The following RGS7 variants were observed in gnomAD, a reference collection of about 807,000 sequenced individuals.
The protein encoded by RGS7 is regulator of G protein signaling 7, also known as regulator of G-protein signaling 7.
RGS7 carries 27 observed loss-of-function variants against 81.1 expected under a neutral mutation model. That is an observed-to-expected ratio of 0.33 (90% CI 0.25 to 0.46). The LOEUF (loss-of-function observed/expected upper bound fraction) is 0.46, where lower values mean the gene tolerates loss of function less well. Among genes scored for constraint, RGS7 ranks in the 20% least tolerant of loss-of-function variants. The probability of loss-of-function intolerance (pLI) is 1.00; values close to 1 mark genes in which losing one functional copy is unlikely to be tolerated. For missense variants in RGS7, 396 were observed against 607.4 expected, an observed-to-expected ratio of 0.65 and a Z score of 3.66; for synonymous variants, 208 against 207.7, an observed-to-expected ratio of 1.00 and a Z score of -0.01.
intron 2 of RGS7, among the ~76,000 whole-genome samples, chr1:241,151,376 G>C (rs945567244): frequency 6.6e-6 from 1 of 151,948 alleles, no homozygotes; most frequent in Non-Finnish European, 1.5e-5. Flanking sequence ...CTTAGACTCT[G>C]CTCAGGAAGC....
At chr1:241,119,699 T>C (rs1294275384) in intron 2 of RGS7, among the ~76,000 whole-genome samples, 1 of 152,206 alleles carries the variant, frequency 6.6e-6, no homozygotes, top group African/African-American at 2.4e-5. Flanking sequence ...GAGAAAAGCC[T>C]TTTACTATTG....
chr1:240,851,369 T>C lies in RGS7; in HGVS notation c.609+17218A>G, dbSNP rs546068707. ...TTTACTGAATATTTAAAGCCCAGTG[T>C]TGAGACCTACTGCTCAGAGAAAAGG... On this transcript the variant is annotated intron_variant, in intron 9 of 18. Transcript: ENST00000440928. Among the ~76,000 whole-genome samples, 4 of 152,324 alleles carry C rather than the reference T, an allele frequency of 2.6e-5. No homozygotes were observed. The South Asian group carries it at 8.3e-4, about 32-fold the overall frequency.
intron 6 of RGS7, among the ~76,000 whole-genome samples, chr1:240,923,084 A>G (rs538261344): frequency 2.7e-4 from 41 of 152,164 alleles, no homozygotes; most frequent in Non-Finnish European, 4.7e-4. Flanking sequence ...TGTTAAGTGA[A>G]AGAAGAAAAG....
chr1:241,090,009 A>AG (rs2063774290), intron 3 of RGS7, among the ~76,000 whole-genome samples: 2 of 151,442 alleles, frequency 1.3e-5, no homozygotes, highest in South Asian at 4.2e-4. Context: ...AAAAAAAAAA[A>AG]AAAGAGAGAG....
At position 241,000,633 on chromosome 1, in the gene RGS7, ATTTCTTTTCT is replaced by A. The variant is rs10536488; in HGVS notation, c.176-17514_176-17505del. ...TATGTAGCTAATTAATTCCTCATTT[ATTTCTTTTCT>A]TTTCTTTTCTTTTCTTTTTTTTATA... is the stretch of plus-strand genomic sequence containing the variant. On this transcript the variant is annotated intron_variant, in intron 3 of 18. Transcript: ENST00000440928. Among the ~76,000 whole-genome samples, 91 of 150,726 alleles carry A rather than the reference ATTTCTTTTCT, an allele frequency of 6.0e-4. 1 individual carries two copies. The highest frequency in any genetic ancestry group is 1.5e-3 in the African/African-American group (60 of 41,070).
At chr1:241,228,174 T>C (rs1182960424) in intron 2 of RGS7, among the ~76,000 whole-genome samples, 1 of 152,198 alleles carries the variant, frequency 6.6e-6, no homozygotes, top group African/African-American at 2.4e-5. Flanking sequence ...CACATGTTGA[T>C]GCTCTAGTCA....
At chr1:240,829,101 C>T (rs1001004820) in intron 9 of RGS7, among the ~76,000 whole-genome samples, 6 of 151,964 alleles carry the variant, frequency 3.9e-5, no homozygotes, top group Non-Finnish European at 7.4e-5. Context: ...GCCAAAACTC[C>T]GCCATAATAT....
chr1:241,061,823 T>A (rs2061753664), intron 3 of RGS7, among the ~76,000 whole-genome samples: 1 of 152,178 alleles, frequency 6.6e-6, no homozygotes, highest in African/African-American at 2.4e-5. Flanking sequence ...TAGACCATCA[T>A]CTGTTAGCTC....
chr1:240,884,222 C>A (rs1343834742), intron 6 of RGS7, among the ~76,000 whole-genome samples: 1 of 151,806 alleles, frequency 6.6e-6, no homozygotes, highest in African/African-American at 2.4e-5. Flanking sequence ...AGTTATAGTG[C>A]TGTTGCCTGT....
intron 2 of RGS7, among the ~76,000 whole-genome samples, chr1:241,354,149 C>A (rs892108314): frequency 1.3e-5 from 2 of 152,050 alleles, no homozygotes; most frequent in Non-Finnish European, 2.9e-5. Flanking sequence ...AGATAGAATT[C>A]AAAATTCTCA....
intron 3 of RGS7, among the ~76,000 whole-genome samples, chr1:241,002,686 A>G (rs1045693999): frequency 6.6e-6 from 1 of 152,248 alleles, no homozygotes; most frequent in Non-Finnish European, 1.5e-5. Flanking sequence ...TGTCCAAAGT[A>G]GTGCTTGGCA....
chr1:241,335,482 A>G (rs1325139201), intron 2 of RGS7, among the ~76,000 whole-genome samples: 1 of 152,220 alleles, frequency 6.6e-6, no homozygotes, highest in Non-Finnish European at 1.5e-5. Flanking sequence ...GGAACTACTT[A>G]TTCATAAAAT....
rs763764704 is a variant in RGS7 at position 240,993,248 on chromosome 1, GGAAA to G, written c.176-10123_176-10120del. ...AAGGAAAGAAGGAGAAAGAAAGAGA[GGAAA>G]GAAAGAAAGAAAGAAAAAGAAAGAA... On this transcript the variant is annotated intron_variant, in intron 3 of 18. Transcript: ENST00000440928. 9.0e-3 allele frequency among the ~76,000 whole-genome samples: 1,339 copies of G among 149,038 alleles called. 20 individuals carry two copies. The highest frequency in any genetic ancestry group is 0.031 in the African/African-American group (1,273 of 40,500).
At position 240,776,116 on chromosome 1, in the gene RGS7, G is replaced by C. The variant is rs761079653; in HGVS notation, c.*104C>G. 5 of 1,392,386 alleles carry C rather than the reference G, an allele frequency of 3.6e-6. No homozygotes were observed. In the African/African-American group the frequency reaches 7.1e-5, roughly 20 times the overall value. 86.3% of individuals were successfully genotyped at this position (1,392,386 alleles called of 1,614,324 possible). A position where few individuals can be genotyped will look rare whatever the true frequency, so the allele number is the denominator to read the frequency against. ...CCAGGTCACAACATTGAGCTACAAAGTGTGTGCAGTGACTCCAGTCTGCAT... is the reference window on the plus strand; with the variant it reads ...CCAGGTCACAACATTGAGCTACAAACTGTGTGCAGTGACTCCAGTCTGCAT... On this transcript the variant is annotated 3_prime_UTR_variant, in exon 19 of 19. Coordinates refer to ENST00000440928, the MANE Select transcript of RGS7 (RefSeq NM_001364886.1).
rs544702860 is a variant in RGS7, at chr1:240,972,822, C to T, written c.226+10257G>A. ...GATCCCTTGAGACCAGAGTTTGAGG[C>T]CAGCCTGGGCAACAACCCCGCCTCT... On this transcript the variant is annotated intron_variant, in intron 4 of 18. Transcript: ENST00000440928. 2.1e-5 allele frequency among the ~76,000 whole-genome samples: 3 copies of T among 145,552 alleles called. No homozygotes were observed. The South Asian group carries it at 6.6e-4, about 32-fold the overall frequency.
intron 2 of RGS7, among the ~76,000 whole-genome samples, chr1:241,256,926 TACACAC>T (rs10552436): frequency 0.16 from 23,178 of 146,034 alleles, 1,828 homozygotes; most frequent in East Asian, 0.2. Context: ...CCACTAGAAA[TACACAC>T]ACACACACAC....
chr1:241,349,476 G>A (rs34491653), intron 2 of RGS7, among the ~76,000 whole-genome samples: 12,535 of 152,272 alleles, frequency 0.082, 585 homozygotes, highest in South Asian at 0.14. Flanking sequence ...GTCTAGACCA[G>A]GTGGCAATTT....
chr1:241,346,796 A>G (rs2082923251), intron 2 of RGS7, among the ~76,000 whole-genome samples: 1 of 152,226 alleles, frequency 6.6e-6, no homozygotes, highest in African/African-American at 2.4e-5. Context: ...GTAAGTAAAC[A>G]CTCAATAATT....
At chr1:240,936,233 C>T (rs1489719787) in intron 5 of RGS7, among the ~76,000 whole-genome samples, 3 of 152,194 alleles carry the variant, frequency 2.0e-5, no homozygotes, top group Non-Finnish European at 1.5e-5. Flanking sequence ...TTCAAGCATT[C>T]CTGTTAAAAT....
Sources: allele counts gnomAD v4.1 joint callset (sites outside exome capture counted in the v4.1 genomes callset), GRCh38; gene constraint gnomAD v4.1.1; transcripts MANE v1.5; gene names NCBI Gene and HGNC (gene_info 2026-07-23, HGNC 2026-07-21).